PTPRA: variants seen among roughly 807,000 people sequenced by gnomAD.
PTPRA encodes the protein receptor-type tyrosine-protein phosphatase alpha.
Under a neutral mutation model 104.8 loss-of-function variants are expected in PTPRA, and 25 were observed. That is an observed-to-expected ratio of 0.24 (90% CI 0.17 to 0.33). PTPRA has a LOEUF of 0.33. PTPRA is among the 10% of genes least tolerant of loss of function. PTPRA has a pLI of 1.00. For missense variants in PTPRA, 765 were observed against 1,015.3 expected, an observed-to-expected ratio of 0.75 and a Z score of 3.35; for synonymous variants, 323 against 368.9, an observed-to-expected ratio of 0.88 and a Z score of 1.43.
chr20:2,997,744 CT>C (rs2063456067), intron 9 of PTPRA, among the ~76,000 whole-genome samples: 1 of 152,162 alleles, frequency 6.6e-6, no homozygotes, highest in Non-Finnish European at 1.5e-5. Flanking sequence ...AAAAGAAATA[CT>C]TTGAAAAACC....
intron 19 of PTPRA, 128 bp downstream of exon 19, chr20:3,027,325 A>G (rs189349064): frequency 9.4e-6 from 9 of 961,028 alleles, no homozygotes; most frequent in East Asian, 2.5e-5. Flanking sequence ...GTGAATTGAT[A>G]CTCACCCACC....
chr20:2,972,338 AG>A (rs2062224755), intron 5 of PTPRA, among the ~76,000 whole-genome samples: 1 of 152,096 alleles, frequency 6.6e-6, no homozygotes, highest in Non-Finnish European at 1.5e-5. Context: ...TGAGTAGCTA[AG>A]GACTATAGGC....
chr20:2,912,932 G>T (rs2059776068), intron 1 of PTPRA, among the ~76,000 whole-genome samples: 1 of 152,160 alleles, frequency 6.6e-6, no homozygotes, highest in African/African-American at 2.4e-5. Context: ...GGACATTAGT[G>T]TGCACTTTTT....
At chr20:2,905,912 C>G (rs1285174232) in intron 1 of PTPRA, among the ~76,000 whole-genome samples, 1 of 152,006 alleles carries the variant, frequency 6.6e-6, no homozygotes, top group Non-Finnish European at 1.5e-5. Context: ...TCTCGAACTC[C>G]TGACCTCAGG....
chr20:2,948,058 A>G, intron 3 of PTPRA, 34 bp downstream of exon 3: 1 of 981,094 alleles, frequency 1.0e-6, no homozygotes. Flanking sequence ...AGTTTTTTCT[A>G]CAAGAATAGA....
rs572366730 is a variant in PTPRA, at chr20:2,876,104, G to A, written c.-129+2344G>A. On this transcript the variant is annotated intron_variant, in intron 1 of 23. Transcript: ENST00000399903. Reference sequence around the variant, plus strand: ...GAAAGAATTTTGGAAAGATCATTTGGGGGCAATATAGGGCCAAATGCAGAT... The same window carrying A: ...GAAAGAATTTTGGAAAGATCATTTGAGGGCAATATAGGGCCAAATGCAGAT... Among the ~76,000 whole-genome samples the A allele has an allele frequency of 7.2e-5, 11 of 152,294 alleles. No individual in the cohort carries two copies. In the East Asian group the frequency reaches 1.9e-3, roughly 27 times the overall value.
intron 3 of PTPRA, among the ~76,000 whole-genome samples, chr20:2,959,632 G>C (rs67036767): frequency 0.055 from 8,358 of 152,070 alleles, 316 homozygotes; most frequent in South Asian, 0.12. Flanking sequence ...GAGAGTTTCA[G>C]GTTCACAGCA....
At chr20:3,007,203 G>A in intron 10 of PTPRA, 141 bp from the exon 11 acceptor site, 1 of 722,620 alleles carries the variant, frequency 1.4e-6, no homozygotes, top group Non-Finnish European at 2.3e-6. Flanking sequence ...TATACTGTTG[G>A]AGTTATATTG....
intron 2 of PTPRA, among the ~76,000 whole-genome samples, chr20:2,940,120 CA>C (rs1357861540): frequency 6.6e-6 from 1 of 152,072 alleles, no homozygotes; most frequent in Admixed American, 6.6e-5. Flanking sequence ...CAAACAAAAA[CA>C]AAAACAAAAA....
chr20:2,916,633 T>C (rs1341223567), intron 1 of PTPRA, among the ~76,000 whole-genome samples: 1 of 152,066 alleles, frequency 6.6e-6, no homozygotes, highest in African/African-American at 2.4e-5. Flanking sequence ...TGAGCTCGGG[T>C]GTTGAAGGCT....
chr20:2,982,089 T>C (rs2062697395), intron 6 of PTPRA, among the ~76,000 whole-genome samples: 1 of 149,228 alleles, frequency 6.7e-6, no homozygotes, highest in Non-Finnish European at 1.5e-5. Context: ...TTTCTTCTTC[T>C]TCTTTTTTTT....
Position 2,950,352 on chromosome 20 carries a change from T to C in PTPRA, c.-7+2328T>C, listed in dbSNP as rs900573384. On this transcript the variant is annotated intron_variant, in intron 3 of 23. Transcript: ENST00000399903. This position sits in a 1 kb window ranked among gnomAD's most constrained non-coding sequence, Gnocchi z 4.0. ...TCCACATTTGATTTATAATATTAAC[T>C]TGTGGGCCAGGCGTCGTGGCTCACA... Among the ~76,000 whole-genome samples, 9 of 152,036 alleles carry C rather than the reference T, an allele frequency of 5.9e-5. 1 individual carries two copies. The highest frequency in any genetic ancestry group is 1.7e-4 in the African/African-American group (7 of 41,420).
Position 3,029,498 on chromosome 20 carries a change from C to T in PTPRA, c.1920+1657C>T, listed in dbSNP as rs144370950. 6.3e-3 allele frequency among the ~76,000 whole-genome samples: 912 copies of T among 144,316 alleles called. 9 individuals carry two copies. The highest frequency in any genetic ancestry group is 0.022 in the African/African-American group (877 of 39,470). 94.7% of individuals were successfully genotyped at this position (144,316 alleles called of 152,430 possible). On this transcript the variant is annotated intron_variant, in intron 20 of 23. Transcript: ENST00000399903. ...TTAGCTATTCTTCCTAGACTTGTATCATGTACCTAATCAACAGACATACTT... is the reference window on the plus strand; with the variant it reads ...TTAGCTATTCTTCCTAGACTTGTATTATGTACCTAATCAACAGACATACTT...
chr20:3,011,440 G>C (rs1438795472), intron 11 of PTPRA, among the ~76,000 whole-genome samples: 1 of 152,154 alleles, frequency 6.6e-6, no homozygotes, highest in African/African-American at 2.4e-5. Flanking sequence ...AATGTGCTAC[G>C]TGTGCAAAGG....
At chr20:2,957,344 G>A (rs1351400757) in intron 3 of PTPRA, among the ~76,000 whole-genome samples, 3 of 152,200 alleles carry the variant, frequency 2.0e-5, no homozygotes, top group African/African-American at 7.2e-5. Context: ...CAGTGAGGTT[G>A]AGCATCTTTT....
chr20:2,929,668 T>G (rs547564410), intron 2 of PTPRA, among the ~76,000 whole-genome samples: 1 of 152,036 alleles, frequency 6.6e-6, no homozygotes, highest in Middle Eastern at 3.4e-3. Flanking sequence ...CTACAAAAAA[T>G]GCACAAATTA....
intron 1 of PTPRA, among the ~76,000 whole-genome samples, chr20:2,911,138 C>G (rs934924665): frequency 1.5e-4 from 23 of 151,958 alleles, no homozygotes; most frequent in African/African-American, 5.6e-4. Context: ...TTAATAGAAG[C>G]AAGGGGTGGA....
At chr20:2,935,520 A>T (rs745514181) in intron 2 of PTPRA, among the ~76,000 whole-genome samples, 122 of 152,150 alleles carry the variant, frequency 8.0e-4, no homozygotes, top group Admixed American at 1.8e-3. Context: ...TATATATCCA[A>T]TAGGGGGAAT....
chr20:2,875,724 C>G (rs980453608), intron 1 of PTPRA, among the ~76,000 whole-genome samples: 2 of 152,130 alleles, frequency 1.3e-5, no homozygotes, highest in Non-Finnish European at 2.9e-5. Context: ...GGGCTTATTC[C>G]TACTCTACAG....
Sources: gnomAD v4.1 joint callset for allele counts (sites outside exome capture counted in the v4.1 genomes callset) on GRCh38, gnomAD v4.1.1 for gene constraint, Gnocchi (gnomAD v3.1) non-coding constraint, MANE v1.5 for transcripts, NCBI Gene and HGNC (gene_info 2026-07-23, HGNC 2026-07-21) for gene names.